The following BNC2 variants were observed in gnomAD, a reference collection of about 807,000 sequenced individuals.
The protein encoded by BNC2 is basonuclin zinc finger protein 2.
Under a neutral mutation model 76.3 loss-of-function variants are expected in BNC2, and 20 were observed. The ratio of observed to expected loss-of-function variants is 0.26; its 90% confidence interval spans 0.18 to 0.38. The LOEUF (loss-of-function observed/expected upper bound fraction) is 0.38, where lower values mean the gene tolerates loss of function less well. Ranked by LOEUF, BNC2 falls within the 10% of genes least tolerant of loss-of-function variation. BNC2 has a pLI of 1.00. For synonymous variants in BNC2, 582 were observed against 514.8 expected (o/e 1.13, Z -1.77); for missense variants, 1,382 against 1,399.8 (o/e 0.99, Z 0.20).
At chr9:16,785,775 C>G (rs567846115) in intron 1 of BNC2, among the ~76,000 whole-genome samples, 1 of 151,328 alleles carries the variant, frequency 6.6e-6, no homozygotes, top group South Asian at 2.1e-4. Flanking sequence ...CCATTGCACT[C>G]CAGCCTGGGC....
chr9:16,811,217 C>T (rs1424977438), intron 1 of BNC2, among the ~76,000 whole-genome samples: 2 of 66,418 alleles, frequency 3.0e-5, no homozygotes, highest in East Asian at 2.4e-4. Context: ...AGCGAGACTT[C>T]GTCTCAAAAG....
intron 5 of BNC2, among the ~76,000 whole-genome samples, chr9:16,500,930 G>C (rs1248917712): frequency 6.6e-6 from 1 of 152,150 alleles, no homozygotes; most frequent in Non-Finnish European, 1.5e-5. Flanking sequence ...TAAGACAGTG[G>C]TGTGTCTTCT....
chr9:16,707,467 T>TC (rs754797760), intron 3 of BNC2, among the ~76,000 whole-genome samples: 1 of 152,094 alleles, frequency 6.6e-6, no homozygotes, highest in Non-Finnish European at 1.5e-5. Flanking sequence ...GGACCAATAT[T>TC]CAAAGGATGA....
intron 6 of BNC2, chr9:16,421,288 A>G: frequency 1.5e-6 from 2 of 1,299,506 alleles, no homozygotes; most frequent in Non-Finnish European, 2.0e-6. Flanking sequence ...CAGCTTTCTA[A>G]TCTTTTGCTA....
chr9:16,536,421 A>G (rs1273330979), intron 5 of BNC2, among the ~76,000 whole-genome samples: 1 of 152,220 alleles, frequency 6.6e-6, no homozygotes, highest in Non-Finnish European at 1.5e-5. Context: ...TCAAAAGTCA[A>G]TCACTAATAA....
intron 5 of BNC2, among the ~76,000 whole-genome samples, chr9:16,497,389 G>C (rs558222265): frequency 6.6e-6 from 1 of 152,248 alleles, no homozygotes; most frequent in East Asian, 1.9e-4. Flanking sequence ...AATCCAAGTT[G>C]GTTTTATCAG....
intron 3 of BNC2, among the ~76,000 whole-genome samples, chr9:16,665,767 T>A (rs190515960): frequency 3.7e-4 from 56 of 152,316 alleles, no homozygotes; most frequent in African/African-American, 1.3e-3. Context: ...GGAGTTAGTA[T>A]CATTACAAAC....
chr9:16,845,851 T>C (rs543635560), intron 1 of BNC2, among the ~76,000 whole-genome samples: 1 of 152,058 alleles, frequency 6.6e-6, no homozygotes, highest in South Asian at 2.1e-4. Context: ...GCAGAATTTA[T>C]AAAAACTAAT....
intron 3 of BNC2, among the ~76,000 whole-genome samples, chr9:16,679,282 T>C (rs1289015374): frequency 6.6e-6 from 1 of 152,198 alleles, no homozygotes; most frequent in Non-Finnish European, 1.5e-5. Flanking sequence ...ACCGTAGGAA[T>C]GTTTTATAAT....
rs1817987813 is a variant in BNC2 at position 16,809,245 on chromosome 9, C to G, written c.3+61401G>C. ...TTGACAATGAGATAAGAGCCAAAAACAAGCCCCCTCCTGGATCACTCTCTG... is the reference window on the plus strand; with the variant it reads ...TTGACAATGAGATAAGAGCCAAAAAGAAGCCCCCTCCTGGATCACTCTCTG... On this transcript the variant is annotated intron_variant, in intron 1 of 6. Coordinates refer to ENST00000380672, the MANE Select transcript of BNC2 (RefSeq NM_017637.6). Among the ~76,000 whole-genome samples the G allele has an allele frequency of 2.0e-5, 3 of 152,150 alleles. No individual in the cohort carries two copies. The South Asian group carries it at 6.2e-4, about 32-fold the overall frequency.
At chr9:16,502,249 A>G (rs2131798017) in intron 5 of BNC2, among the ~76,000 whole-genome samples, 1 of 152,268 alleles carries the variant, frequency 6.6e-6, no homozygotes. Flanking sequence ...CTGTAGTGCT[A>G]GCTACTTGGA....
At chr9:16,729,003 G>A (rs1219745578) in intron 2 of BNC2, among the ~76,000 whole-genome samples, 5 of 152,084 alleles carry the variant, frequency 3.3e-5, no homozygotes, top group African/African-American at 1.2e-4. Context: ...CCCATTTCAG[G>A]CAAAAAGTAA....
In BNC2 at chr9:16,526,830, C is replaced by T. The variant is rs2132158820; in HGVS notation, c.669+25700G>A. Among the ~76,000 whole-genome samples the T allele has an allele frequency of 1.3e-5, 2 of 152,170 alleles. 1 individual carries two copies. The highest frequency in any genetic ancestry group is 4.1e-4 in the South Asian group (2 of 4,822). On this transcript the variant is annotated intron_variant, in intron 5 of 6. Transcript: ENST00000380672. ...TGGATATAGCAAACAACACTATGTA[C>T]CATCCATGAAAAAACTTACAATCCA...
chr9:16,738,696 A>G (rs572388380), intron 1 of BNC2, among the ~76,000 whole-genome samples: 5 of 152,332 alleles, frequency 3.3e-5, no homozygotes, highest in Admixed American at 6.5e-5. Flanking sequence ...GAATAACTGA[A>G]TAATTTGCTG....
chr9:16,791,766 C>T (rs113026805), intron 1 of BNC2, among the ~76,000 whole-genome samples: 12 of 152,252 alleles, frequency 7.9e-5, no homozygotes, highest in South Asian at 6.2e-4. Flanking sequence ...CACAGGGTGG[C>T]GTGAGGACCA....
At chr9:16,760,404 T>C (rs1825519390) in intron 1 of BNC2, among the ~76,000 whole-genome samples, 1 of 152,168 alleles carries the variant, frequency 6.6e-6, no homozygotes, top group African/African-American at 2.4e-5. Context: ...CGGTTTATGG[T>C]CCTTTAAAGT....
chr9:16,783,672 A>T (rs543014839), intron 1 of BNC2, among the ~76,000 whole-genome samples: 2 of 152,322 alleles, frequency 1.3e-5, no homozygotes, highest in African/African-American at 4.8e-5. Context: ...CAGTATCTCT[A>T]TAACAATCTC....
chr9:16,645,521 T>C (rs927587585), intron 3 of BNC2, among the ~76,000 whole-genome samples: 5 of 152,164 alleles, frequency 3.3e-5, no homozygotes, highest in African/African-American at 7.2e-5. Flanking sequence ...GTCTATTTTA[T>C]ACTTGGGAGG....
At chr9:16,691,173 C>A (rs1243261393) in intron 3 of BNC2, among the ~76,000 whole-genome samples, 2 of 152,188 alleles carry the variant, frequency 1.3e-5, no homozygotes, top group Non-Finnish European at 2.9e-5. Context: ...AATCTTTCTT[C>A]CAGAGTGCTC....
Sources: gnomAD v4.1 joint callset for allele counts (sites outside exome capture counted in the v4.1 genomes callset) on GRCh38, gnomAD v4.1.1 for gene constraint, MANE v1.5 for transcripts, NCBI Gene and HGNC (gene_info 2026-07-23, HGNC 2026-07-21) for gene names.